RNGTT: variants seen among roughly 807,000 people sequenced by gnomAD.
RNGTT encodes mRNA-capping enzyme.
A neutral mutation model predicts 79.3 loss-of-function variants in RNGTT; 33 were observed. The observed-to-expected ratio is 0.42, with a 90% CI of 0.32 to 0.56. The LOEUF is 0.56. Among genes scored for constraint, RNGTT ranks in the 20% least tolerant of loss-of-function variants. The probability of loss-of-function intolerance (pLI) is 0.17; values close to 1 mark genes in which losing one functional copy is unlikely to be tolerated. For synonymous variants in RNGTT, 222 were observed against 235.9 expected (o/e 0.94, Z 0.54); for missense variants, 497 against 739.1 (o/e 0.67, Z 3.80).
chr6:88,836,477 C>T (rs1439478410), intron 11 of RNGTT, among the ~76,000 whole-genome samples: 2 of 152,126 alleles, frequency 1.3e-5, no homozygotes, highest in South Asian at 2.1e-4. Flanking sequence ...TGTGGTGGCT[C>T]ACGCTTGTAA....
chr6:88,841,531 G>T (rs1467009090), intron 11 of RNGTT, among the ~76,000 whole-genome samples: 1 of 152,000 alleles, frequency 6.6e-6, no homozygotes, highest in East Asian at 1.9e-4. Context: ...CTATTCCCTG[G>T]GTTGAATGTA....
At chr6:88,640,408 AGGCATGGT>A (rs1422094271) in intron 14 of RNGTT, among the ~76,000 whole-genome samples, 2 of 148,932 alleles carry the variant, frequency 1.3e-5, no homozygotes, top group Non-Finnish European at 3.0e-5. Context: ...AAAAAAATCC[AGGCATGGT>A]GGCATGTGCC....
At chr6:88,813,092 C>A (rs1562265546) in intron 11 of RNGTT, among the ~76,000 whole-genome samples, 1 of 152,110 alleles carries the variant, frequency 6.6e-6, no homozygotes, top group Non-Finnish European at 1.5e-5. Context: ...AATTATTGAG[C>A]CTGCAGGGTG....
At chr6:88,659,672 A>G (rs1774110350) in intron 14 of RNGTT, among the ~76,000 whole-genome samples, 1 of 152,164 alleles carries the variant, frequency 6.6e-6, no homozygotes, top group South Asian at 2.1e-4. Flanking sequence ...GACCAAACAT[A>G]AGAATAACTG....
In RNGTT at chr6:88,870,198, T is replaced by C. The variant is rs900915099; in HGVS notation, c.897-16434A>G. On this transcript the variant is annotated intron_variant, in intron 8 of 15. Transcript: ENST00000369485. ...AGCACTGTCAGAATTGCTCATTTTC[T>C]GATTTCTTTACCTAGTTCACATGTT... 2.6e-5 allele frequency among the ~76,000 whole-genome samples: 4 copies of C among 152,152 alleles called. No individual in the cohort carries two copies. The South Asian group carries it at 6.2e-4, about 24-fold the overall frequency.
chr6:88,643,593 T>C (rs1226721408), intron 14 of RNGTT, among the ~76,000 whole-genome samples: 2 of 152,184 alleles, frequency 1.3e-5, no homozygotes, highest in Admixed American at 6.5e-5. Flanking sequence ...ATTGGCCACA[T>C]AGTTGGAAGT....
chr6:88,651,294 AAC>A (rs1351010273), intron 14 of RNGTT, among the ~76,000 whole-genome samples: 1 of 152,146 alleles, frequency 6.6e-6, no homozygotes, highest in Non-Finnish European at 1.5e-5. Flanking sequence ...ATGCAATAGA[AAC>A]AGTAACTAAT....
chr6:88,950,941 C>T (rs1273736222), intron 1 of RNGTT, among the ~76,000 whole-genome samples: 1 of 151,386 alleles, frequency 6.6e-6, no homozygotes, highest in African/African-American at 2.4e-5. Context: ...TCACTGCAAT[C>T]TCCATCTCCC....
intron 6 of RNGTT, among the ~76,000 whole-genome samples, chr6:88,897,579 T>C (rs1426282041): frequency 6.6e-6 from 1 of 152,196 alleles, no homozygotes; most frequent in Non-Finnish European, 1.5e-5. Flanking sequence ...TCTGCATCAA[T>C]TACCCTTCTG....
chr6:88,800,629 G>A (rs1454592360), intron 12 of RNGTT, among the ~76,000 whole-genome samples: 2 of 152,188 alleles, frequency 1.3e-5, no homozygotes, highest in African/African-American at 2.4e-5. Flanking sequence ...AGAATCACTT[G>A]GAGAACTTGT....
intron 11 of RNGTT, among the ~76,000 whole-genome samples, chr6:88,809,353 A>C (rs1780061469): frequency 6.6e-6 from 1 of 152,288 alleles, no homozygotes; most frequent in African/African-American, 2.4e-5. Flanking sequence ...ACTAGTAGTA[A>C]AGACATCTTG....
At chr6:88,790,415 C>G (rs1366294781) in intron 12 of RNGTT, among the ~76,000 whole-genome samples, 1 of 152,060 alleles carries the variant, frequency 6.6e-6, no homozygotes, top group African/African-American at 2.4e-5. Context: ...GAAGGCAGAG[C>G]TATGGTGGAG....
intron 11 of RNGTT, 38 bp from the exon 12 acceptor site, chr6:88,801,670 A>G (rs748832392): frequency 3.0e-6 from 4 of 1,325,726 alleles, no homozygotes; most frequent in Non-Finnish European, 3.2e-6. Context: ...TAAAAATATA[A>G]TAATCACTTT....
At chr6:88,926,878 T>A (rs750311563) in intron 4 of RNGTT, among the ~76,000 whole-genome samples, 3 of 152,228 alleles carry the variant, frequency 2.0e-5, no homozygotes, top group Non-Finnish European at 4.4e-5. Flanking sequence ...CCAATATTGT[T>A]AAGATTAATG....
At chr6:88,709,231 G>A (rs995581093) in intron 13 of RNGTT, among the ~76,000 whole-genome samples, 1 of 152,044 alleles carries the variant, frequency 6.6e-6, no homozygotes, top group African/African-American at 2.4e-5. Context: ...CTTGAACCCG[G>A]AAGGAGGAGG....
At chr6:88,776,527 G>A (rs1778889878) in intron 12 of RNGTT, among the ~76,000 whole-genome samples, 1 of 150,944 alleles carries the variant, frequency 6.6e-6, no homozygotes, top group Admixed American at 6.6e-5. Flanking sequence ...TAGAGATGGG[G>A]TTTCTCCATG....
intron 2 of RNGTT, among the ~76,000 whole-genome samples, chr6:88,929,989 CATGTATACATATATACATATGCAT>C (rs1784447649): frequency 7.1e-6 from 1 of 141,258 alleles, no homozygotes; most frequent in South Asian, 2.2e-4. Context: ...TGTGCATATA[CATGTATACATATATACATATGCAT>C]ATGTATACAC....
At chr6:88,895,673 T>C (rs191205469) in intron 6 of RNGTT, among the ~76,000 whole-genome samples, 23 of 152,274 alleles carry the variant, frequency 1.5e-4, no homozygotes, top group Non-Finnish European at 2.6e-4. Flanking sequence ...CACTCTTAGA[T>C]TGCCTCTGTT....
At chr6:88,853,985 C>T (rs1414375538) in intron 8 of RNGTT, among the ~76,000 whole-genome samples, 1 of 151,208 alleles carries the variant, frequency 6.6e-6, no homozygotes. Context: ...AGTACAGTGG[C>T]ACAACCTTGG....
Sources: gnomAD v4.1 joint callset for allele counts (sites outside exome capture counted in the v4.1 genomes callset) on GRCh38, gnomAD v4.1.1 for gene constraint, MANE v1.5 for transcripts, NCBI Gene and HGNC (gene_info 2026-07-23, HGNC 2026-07-21) for gene names.